The following DDX10 variants were observed in gnomAD, a reference collection of about 807,000 sequenced individuals.
DDX10 encodes DEAD-box helicase 10.
Under a neutral mutation model 104.3 loss-of-function variants are expected in DDX10, and 74 were observed. The ratio of observed to expected loss-of-function variants is 0.71; its 90% CI spans 0.59 to 0.86. The LOEUF is 0.86. DDX10 is among the 40% of genes least tolerant of loss of function. DDX10 has a pLI of 0.00. For synonymous variants in DDX10, 351 were observed against 353.4 expected (o/e 0.99, Z 0.08); for missense variants, 952 against 1,040.0 (o/e 0.92, Z 1.16).
intron 16 of DDX10, among the ~76,000 whole-genome samples, chr11:108,895,862 C>T (rs567129598): frequency 1.1e-4 from 16 of 152,176 alleles, no homozygotes; most frequent in African/African-American, 3.9e-4. Flanking sequence ...AAGTTATCAG[C>T]CTGCTGCCCA....
At chr11:108,852,255 A>G in intron 16 of DDX10, 46 bp downstream of exon 16, 1 of 1,459,026 alleles carries the variant, frequency 6.9e-7, no homozygotes, top group Non-Finnish European at 9.4e-7. Context: ...ATTAAGGTAG[A>G]ATGGACAAAA....
rs1862593287 is a variant in DDX10 at position 108,838,575 on chromosome 11, T to C, written c.2085+10T>C. On this transcript the variant is annotated intron_variant, in intron 14 of 17. Coordinates refer to ENST00000322536, the MANE Select transcript of DDX10 (RefSeq NM_004398.4). ...TACTGATGAAGGGGAGGTAAGATTC[T>C]AGAAGTGTTTCATTTCTGAGGTGCA... The C allele has an allele frequency of 6.2e-7, 1 of 1,602,874 alleles. No individual in the cohort carries two copies. Among genetic ancestry groups the C allele is most frequent in the South Asian group, 1.1e-5 (1 of 88,968 alleles).
intron 10 of DDX10, among the ~76,000 whole-genome samples, chr11:108,707,587 G>T (rs1281879245): frequency 6.6e-6 from 1 of 152,144 alleles, no homozygotes; most frequent in Non-Finnish European, 1.5e-5. Flanking sequence ...AAAAAGGACA[G>T]ATTTGTATTG....
chr11:108,762,034 T>A (rs2094351450), intron 13 of DDX10, among the ~76,000 whole-genome samples: 1 of 152,242 alleles, frequency 6.6e-6, no homozygotes, highest in Non-Finnish European at 1.5e-5. Context: ...ATCAAATTGC[T>A]ATTTAAGCTT....
intron 13 of DDX10, among the ~76,000 whole-genome samples, chr11:108,791,043 T>G (rs1251122576): frequency 6.6e-6 from 1 of 152,176 alleles, no homozygotes; most frequent in Non-Finnish European, 1.5e-5. Flanking sequence ...CGAGGTGGAG[T>G]CTGTGTCCCT....
At chr11:108,842,329 C>G (rs1862649490) in intron 15 of DDX10, among the ~76,000 whole-genome samples, 1 of 152,132 alleles carries the variant, frequency 6.6e-6, no homozygotes, top group African/African-American at 2.4e-5. Flanking sequence ...CAGGGTGACA[C>G]AGTGAGAAAC....
intron 16 of DDX10, among the ~76,000 whole-genome samples, chr11:108,867,897 A>G (rs1233736601): frequency 1.5e-4 from 23 of 152,154 alleles, no homozygotes; most frequent in Admixed American, 1.4e-3. Flanking sequence ...TGATAGTTAT[A>G]ATGCTTTTCC....
chr11:108,864,427 A>G (rs1862980873), intron 16 of DDX10, among the ~76,000 whole-genome samples: 1 of 151,072 alleles, frequency 6.6e-6, no homozygotes. Context: ...CTTTATATAT[A>G]TAGAATAGAT....
At chr11:108,820,808 A>G (rs1425438686) in intron 13 of DDX10, among the ~76,000 whole-genome samples, 1 of 152,190 alleles carries the variant, frequency 6.6e-6, no homozygotes, top group Non-Finnish European at 1.5e-5. Context: ...TCTGCTTCTC[A>G]CATCACGCTT....
chr11:108,875,025 C>G (rs189988424), intron 16 of DDX10, among the ~76,000 whole-genome samples: 18 of 152,124 alleles, frequency 1.2e-4, no homozygotes, highest in Non-Finnish European at 2.2e-4. Flanking sequence ...AATGAAGTAA[C>G]GCATGTAAAG....
At chr11:108,858,019 G>C (rs1862893514) in intron 16 of DDX10, among the ~76,000 whole-genome samples, 1 of 152,164 alleles carries the variant, frequency 6.6e-6, no homozygotes, top group Non-Finnish European at 1.5e-5. Context: ...AATCTCACTG[G>C]AATCCCAGCA....
At chr11:108,827,042 T>G (rs935063976) in intron 13 of DDX10, among the ~76,000 whole-genome samples, 53 of 152,236 alleles carry the variant, frequency 3.5e-4, no homozygotes, top group Admixed American at 1.8e-3. Context: ...GGTCAAATAC[T>G]TTGAAGTTAT....
At chr11:108,695,624 T>G (rs1456413912) in intron 9 of DDX10, among the ~76,000 whole-genome samples, 1 of 152,182 alleles carries the variant, frequency 6.6e-6, no homozygotes, top group African/African-American at 2.4e-5. Context: ...ATTTTTTTGT[T>G]TTTGTTTTTA....
chr11:108,926,190 G>A (rs1863906275), intron 17 of DDX10, among the ~76,000 whole-genome samples: 1 of 151,900 alleles, frequency 6.6e-6, no homozygotes, highest in African/African-American at 2.4e-5. Flanking sequence ...CTTCTAAACT[G>A]CTGTGGAGCA....
chr11:108,665,780 A>G (rs2094209325), intron 1 of DDX10, among the ~76,000 whole-genome samples: 1 of 152,164 alleles, frequency 6.6e-6, no homozygotes, highest in Non-Finnish European at 1.5e-5. Context: ...TTTCACGCTT[A>G]GTAGGTGGTG....
At position 108,698,013 on chromosome 11, in the gene DDX10, C is replaced by T. The variant is rs114218595; in HGVS notation, c.1223+4413C>T. On this transcript the variant is annotated intron_variant, in intron 9 of 17. Transcript: ENST00000322536. ...TTATGTGCCTGGCTACATTTTGTGGCGCTCAGAAATTCTGTAACATAAGGA... is the reference window on the plus strand; with the variant it reads ...TTATGTGCCTGGCTACATTTTGTGGTGCTCAGAAATTCTGTAACATAAGGA... Among the ~76,000 whole-genome samples the T allele has an allele frequency of 9.8e-3, 1,497 of 152,230 alleles. 21 individuals are homozygous for T. Among genetic ancestry groups the T allele is most frequent in the African/African-American group, 0.035 (1,435 of 41,536 alleles).
At chr11:108,908,545 G>C (rs1214391282) in intron 16 of DDX10, among the ~76,000 whole-genome samples, 1 of 152,172 alleles carries the variant, frequency 6.6e-6, no homozygotes, top group East Asian at 1.9e-4. Flanking sequence ...ATGTAGGAAC[G>C]TAATAAAGAT....
rs552069025 is a variant in DDX10, at chr11:108,701,900, G to A, written c.1224-4839G>A. Among the ~76,000 whole-genome samples the A allele has an allele frequency of 4.6e-5, 7 of 152,084 alleles. No individual in the cohort carries two copies. In the South Asian group the frequency reaches 1.5e-3, roughly 32 times the overall value. On this transcript the variant is annotated intron_variant, in intron 9 of 17. Coordinates refer to ENST00000322536, the MANE Select transcript of DDX10 (RefSeq NM_004398.4). Reference sequence around the variant, plus strand: ...GGGGTTTTGCCATGTTGGCCAGACTGGTCTCAAACTCCTGACCTCAGGTGA... The same window carrying A: ...GGGGTTTTGCCATGTTGGCCAGACTAGTCTCAAACTCCTGACCTCAGGTGA...
Position 108,771,172 on chromosome 11 carries a change from C to T in DDX10, c.1965+47710C>T, listed in dbSNP as rs191632141. ...CTTCTTTTGAGAAATATCTATTCAACTCTTTTGCTCATATTTTGATCAGAT... is the reference window on the plus strand; with the variant it reads ...CTTCTTTTGAGAAATATCTATTCAATTCTTTTGCTCATATTTTGATCAGAT... On this transcript the variant is annotated intron_variant, in intron 13 of 17. Coordinates refer to ENST00000322536, the MANE Select transcript of DDX10 (RefSeq NM_004398.4). 2.0e-3 allele frequency among the ~76,000 whole-genome samples: 306 copies of T among 152,156 alleles called. 1 individual carries two copies. The highest frequency in any genetic ancestry group is 2.7e-3 in the Non-Finnish European group (184 of 68,006).
Sources: allele counts gnomAD v4.1 joint callset (sites outside exome capture counted in the v4.1 genomes callset), GRCh38; gene constraint gnomAD v4.1.1; transcripts MANE v1.5; gene names NCBI Gene and HGNC (gene_info 2026-07-23, HGNC 2026-07-21).